Variants in WNK1 observed in about 807,000 individuals in gnomAD.
WNK1 encodes the protein WNK lysine deficient protein kinase 1.
WNK1 carries 38 observed loss-of-function variants against 222.8 expected under a neutral mutation model. The observed-to-expected ratio is 0.17, with a 90% confidence interval of 0.13 to 0.22. WNK1 has a LOEUF of 0.22. Ranked by LOEUF, WNK1 falls within the 10% of genes least tolerant of loss-of-function variation. The pLI, the probability that WNK1 is intolerant of heterozygous loss-of-function variation, is 1.00. For missense variants in WNK1, 2,348 were observed against 2,918.4 expected, an observed-to-expected ratio of 0.80 and a Z score of 4.50; for synonymous variants, 1,090 against 1,092.9, an observed-to-expected ratio of 1.00 and a Z score of 0.05.
At chr12:816,858 A>G (rs1320341221) in intron 2 of WNK1, among the ~76,000 whole-genome samples, 1 of 152,208 alleles carries the variant, frequency 6.6e-6, no homozygotes, top group Non-Finnish European at 1.5e-5. Context: ...TAAGGATATC[A>G]TGGACAAGTC....
rs1952801510 is a variant in WNK1, at chr12:878,221, A to G, written c.2233A>G (p.Ile745Val). The G allele has an allele frequency of 1.2e-6, 2 of 1,614,072 alleles. No homozygotes were observed. The highest frequency in any genetic ancestry group is 1.7e-6 in the Non-Finnish European group (2 of 1,180,034). ...PIQHPQQQQG[I>V]QQTAPPQQTV... is the part of the protein sequence containing the mutation. ...TGTATTTTATTCTTAGCAGCAGGGA[A>G]TACAGCAGACAGCCCCTCCTCAACA... Residue 745 changes from isoleucine to valine, a missense_variant, in exon 10 of 28, where the codon ATA becomes GTA. By Grantham distance (29) the Ile-to-Val change is conservative. Coordinates refer to ENST00000315939, the MANE Select transcript of WNK1 (RefSeq NM_018979.4).
rs933554486 is a variant in WNK1 at position 911,040 on chromosome 12, G to A, written c.*2248G>A. ...CAGCACATTATCATTTGTTATTTGG[G>A]TTTAATAATAATTTTGACATCTTTT... On this transcript the variant is annotated 3_prime_UTR_variant, in exon 28 of 28. Transcript: ENST00000315939. 5 of 347,228 alleles carry A rather than the reference G, an allele frequency of 1.4e-5. No individual in the cohort carries two copies. The highest frequency in any genetic ancestry group is 1.5e-5 in the Non-Finnish European group (3 of 195,626). The allele number at this position is 347,228 out of a possible 1,614,324, so 21.5% of individuals were successfully genotyped here.
rs72649849 is a variant in WNK1, at chr12:865,441, A to G, written c.2139+3171A>G. The stretch of plus-strand genomic sequence containing the variant: ...TCCAGGCAACAAGAATTTTAATTAA[A>G]ATTGAATAAAGAACAGGACTAAACT... On this transcript the variant is annotated intron_variant, in intron 8 of 27. Transcript: ENST00000315939. 27 of 1,470,592 alleles carry G rather than the reference A, an allele frequency of 1.8e-5. No homozygotes were observed. In the African/African-American group the frequency reaches 3.2e-4, roughly 18 times the overall value. 91.1% of individuals were successfully genotyped at this position (1,470,592 alleles called of 1,614,324 possible). A position where few individuals can be genotyped will look rare whatever the true frequency, so the allele number is the denominator to read the frequency against.
At chr12:890,218 G>T (rs1954087929) in intron 21 of WNK1, among the ~76,000 whole-genome samples, 2 of 152,150 alleles carry the variant, frequency 1.3e-5, no homozygotes, top group African/African-American at 4.8e-5. Flanking sequence ...CTCCCAAAAT[G>T]CTGGGATTAC....
chr12:815,114 C>T (rs1042016540), intron 2 of WNK1, among the ~76,000 whole-genome samples: 3 of 152,176 alleles, frequency 2.0e-5, no homozygotes, highest in Non-Finnish European at 4.4e-5. Context: ...TGCTTGCTCG[C>T]CTGCCACTCA....
chr12:861,994 A>G lies in WNK1; in HGVS notation c.1952-89A>G, dbSNP rs1013814517. ...AGGAATAACTAGTTACCCCTAATAT[A>G]ATGGGTCTAAATATGAGAAAATGTG... On this transcript the variant is annotated intron_variant, in intron 7 of 27. Transcript: ENST00000315939. The G allele has an allele frequency of 3.5e-6, 5 of 1,444,682 alleles. No individual in the cohort carries two copies. The Admixed American group carries it at 8.7e-5, about 25-fold the overall frequency. The allele number at this position is 1,444,682 out of a possible 1,614,324, so 89.5% of individuals were successfully genotyped here. A position where few individuals can be genotyped will look rare whatever the true frequency, so the allele number is the denominator to read the frequency against.
intron 25 of WNK1, among the ~76,000 whole-genome samples, chr12:898,473 ACT>A (rs1236365260): frequency 1.4e-5 from 2 of 142,808 alleles, no homozygotes; most frequent in East Asian, 2.2e-4. Flanking sequence ...ACAGAGCAAG[ACT>A]CTGTCTCAAA....
At chr12:823,253 C>T (rs563306382) in intron 2 of WNK1, among the ~76,000 whole-genome samples, 4 of 152,146 alleles carry the variant, frequency 2.6e-5, no homozygotes, top group Non-Finnish European at 4.4e-5. Context: ...TAGTGTTTCT[C>T]ATTGTGGATC....
At chr12:906,720 A>G (rs748884841) in intron 26 of WNK1, 7 of 985,256 alleles carry the variant, frequency 7.1e-6, no homozygotes, top group Non-Finnish European at 7.2e-6. Context: ...ACAGCATGCT[A>G]CTTCTCTTAT....
At chr12:823,647 T>C (rs1049184184) in intron 2 of WNK1, among the ~76,000 whole-genome samples, 1 of 152,252 alleles carries the variant, frequency 6.6e-6, no homozygotes, top group African/African-American at 2.4e-5. Flanking sequence ...CAATAGAATA[T>C]TCTTTGTACT....
intron 1 of WNK1, among the ~76,000 whole-genome samples, chr12:760,040 G>C (rs1439254716): frequency 6.8e-6 from 1 of 147,858 alleles, no homozygotes; most frequent in African/African-American, 2.4e-5. Flanking sequence ...GTTCTTGGAG[G>C]AGGAGGAAAG....
intron 9 of WNK1, among the ~76,000 whole-genome samples, chr12:872,922 A>G (rs78772771): frequency 0.07 from 10,592 of 152,284 alleles, 437 homozygotes; most frequent in African/African-American, 0.086. Flanking sequence ...TTATACATGC[A>G]TTCACTCCGT....
At chr12:842,343 G>A (rs949180367) in intron 4 of WNK1, among the ~76,000 whole-genome samples, 58 of 152,052 alleles carry the variant, frequency 3.8e-4, no homozygotes, top group African/African-American at 1.3e-3. Context: ...AAACTATTTG[G>A]TGCAAATAAA....
At chr12:869,188 A>G (rs1276421740) in intron 8 of WNK1, 6 of 1,547,046 alleles carry the variant, frequency 3.9e-6, no homozygotes, top group Non-Finnish European at 5.4e-6. Context: ...ATTTCCCTGA[A>G]TCATGGATTT....
rs1940671670 is a variant in WNK1, at chr12:759,318, TTTTG to T, written c.759+4999_759+5002del. ...TAAATTATATATTTAGTAACTTGCA[TTTTG>T]TTTGAGTTTTTTGTTTTTTTGTTTT... On this transcript the variant is annotated intron_variant, in intron 1 of 27. Coordinates refer to ENST00000315939, the MANE Select transcript of WNK1 (RefSeq NM_018979.4). Among the ~76,000 whole-genome samples the T allele has an allele frequency of 1.4e-5, 2 of 146,724 alleles. 1 individual carries two copies. The highest frequency in any genetic ancestry group is 4.4e-4 in the South Asian group (2 of 4,510).
chr12:879,751 T>G lies in WNK1; in HGVS notation c.2552T>G (p.Val851Gly). 6.2e-7 allele frequency: 1 copy of G among 1,614,116 alleles called. No individual in the cohort carries two copies. The highest frequency in any genetic ancestry group is 1.3e-5 in the African/African-American group (1 of 75,038). Residue 851 changes from valine (V) to glycine (G), a missense_variant, in exon 11 of 28, where the codon GTG becomes GGG. Val to Gly is a moderately radical substitution (Grantham distance 109). Coordinates refer to ENST00000315939, the MANE Select transcript of WNK1 (RefSeq NM_018979.4). ...CAGATTCCCATATCAACTCCTCATG[T>G]GTCTACGGCTCAGACAGGTTTCTCA... ...VSQIPISTPH[V>G]STAQTGFSSL...
chr12:819,412 AC>A (rs1292087975), intron 2 of WNK1, among the ~76,000 whole-genome samples: 1 of 152,168 alleles, frequency 6.6e-6, no homozygotes, highest in African/African-American at 2.4e-5. Flanking sequence ...AATTATACTT[AC>A]CAGTTAAGCC....
At chr12:832,561 A>G (rs1156775456) in intron 4 of WNK1, among the ~76,000 whole-genome samples, 1 of 152,172 alleles carries the variant, frequency 6.6e-6, no homozygotes, top group Non-Finnish European at 1.5e-5. Flanking sequence ...TACTTTGGAC[A>G]ATTAGTTTAA....
intron 4 of WNK1, among the ~76,000 whole-genome samples, chr12:851,258 CTT>C (rs1171010236): frequency 6.6e-6 from 1 of 152,112 alleles, no homozygotes; most frequent in Non-Finnish European, 1.5e-5. Flanking sequence ...TTAAAGTACA[CTT>C]TCAAAATGAT....
Sources: allele counts gnomAD v4.1 joint callset (sites outside exome capture counted in the v4.1 genomes callset), GRCh38; gene constraint gnomAD v4.1.1; transcripts MANE v1.5; gene names NCBI Gene and HGNC (gene_info 2026-07-23, HGNC 2026-07-21).